TRAP1: variants seen among roughly 807,000 people sequenced by gnomAD.
TRAP1 encodes heat shock protein 75 kDa, mitochondrial.
TRAP1 carries 102 observed loss-of-function variants against 89.1 expected under a neutral mutation model. That is an observed-to-expected ratio of 1.15 (90% CI 0.98 to 1.35). The LOEUF (loss-of-function observed/expected upper bound fraction) is 1.35. Ranked by LOEUF, TRAP1 falls within the 40% of genes most tolerant of loss-of-function variation. The probability of loss-of-function intolerance (pLI) is 0.00; values close to 1 mark genes in which losing one functional copy is unlikely to be tolerated. For missense variants in TRAP1, 1,256 were observed against 945.3 expected (o/e 1.33, Z -4.31); for synonymous variants, 508 against 388.0 (o/e 1.31, Z -3.64).
chr16:3,683,464 C>G (rs1344185751), intron 4 of TRAP1, among the ~76,000 whole-genome samples: 1 of 151,146 alleles, frequency 6.6e-6, no homozygotes, highest in South Asian at 2.1e-4. Flanking sequence ...CAGCTCACCA[C>G]AACCTCCGCC....
At chr16:3,712,214 A>C (rs1438642145) in intron 1 of TRAP1, among the ~76,000 whole-genome samples, 1 of 139,704 alleles carries the variant, frequency 7.2e-6, no homozygotes, top group Non-Finnish European at 1.5e-5. Flanking sequence ...GCCTGAATTC[A>C]GGAGGCGGAA....
chr16:3,693,777 G>C (rs2051248654), intron 1 of TRAP1, among the ~76,000 whole-genome samples: 1 of 152,104 alleles, frequency 6.6e-6, no homozygotes, highest in Non-Finnish European at 1.5e-5. Flanking sequence ...AGAATCGCTT[G>C]AGCCCAGGGG....
intron 16 of TRAP1, 70 bp from the exon 17 acceptor site, chr16:3,658,935 G>C: frequency 2.0e-6 from 3 of 1,502,534 alleles, no homozygotes; most frequent in South Asian, 2.3e-5. Context: ...CATGTTTTGG[G>C]ATTATCAGGA....
intron 4 of TRAP1, among the ~76,000 whole-genome samples, chr16:3,684,487 T>C (rs113758783): frequency 1.6e-4 from 24 of 152,258 alleles, no homozygotes; most frequent in Middle Eastern, 3.4e-3. Context: ...CTATCAATAT[T>C]AGTTAATTAA....
chr16:3,671,667 A>G, intron 11 of TRAP1, 55 bp downstream of exon 11: 1 of 1,580,502 alleles, frequency 6.3e-7, no homozygotes, highest in Admixed American at 1.7e-5. Flanking sequence ...GGGGCAAAGG[A>G]GCAGGTAGGG....
At chr16:3,672,931 T>TC in intron 9 of TRAP1, 111 bp from the exon 10 acceptor site, 4 of 1,408,102 alleles carry the variant, frequency 2.8e-6, no homozygotes, top group Non-Finnish European at 3.7e-6. Context: ...CGCCTCGCCC[T>TC]CCCCCAGCGT....
chr16:3,661,993 T>A lies in TRAP1; in HGVS notation c.1934A>T (p.Asn645Ile), dbSNP rs758506078. 1.9e-6 allele frequency: 3 copies of A among 1,605,872 alleles called. No individual in the cohort carries two copies. Among genetic ancestry groups the A allele is most frequent in the African/African-American group, 1.3e-5 (1 of 74,786 alleles). The change falls in exon 16 of 18, where the codon AAC becomes ATC. Residue 645 changes from asparagine to isoleucine, a missense_variant. Physicochemically the swap from Asn to Ile is moderately radical, Grantham distance 149. Coordinates refer to ENST00000246957, the MANE Select transcript of TRAP1 (RefSeq NM_016292.3). The stretch of plus-strand genomic sequence containing the variant: ...GCCAGGAGCGTGGCCTCACCTGGGG[T>A]TGATCTCCAGCGTGGGCTGCAGGAG... ...AQLLQPTLEI[N>I]PRHALIKKLN...
At position 3,715,821 on chromosome 16, in the gene TRAP1, G is replaced by A. The variant is rs1413415200; in HGVS notation, c.88+1600C>T. ...TAAATAAATAATTGATCAGACACTG[G>A]TGCTAGAAGAGAGCAACAGCATCAC... On this transcript the variant is annotated intron_variant, in intron 1 of 17. Coordinates refer to ENST00000246957, the MANE Select transcript of TRAP1 (RefSeq NM_016292.3). 2.0e-5 allele frequency among the ~76,000 whole-genome samples: 3 copies of A among 152,190 alleles called. No individual in the cohort carries two copies. In the East Asian group the frequency reaches 5.8e-4, roughly 29 times the overall value.
chr16:3,705,585 T>G (rs1036343402), intron 1 of TRAP1, among the ~76,000 whole-genome samples: 1 of 152,222 alleles, frequency 6.6e-6, no homozygotes, highest in Non-Finnish European at 1.5e-5. Flanking sequence ...CATCCACATA[T>G]AGCATGTATC....
At chr16:3,672,483 C>G (rs758746) in intron 10 of TRAP1, among the ~76,000 whole-genome samples, 36 of 152,318 alleles carry the variant, frequency 2.4e-4, no homozygotes, top group Admixed American at 1.1e-3. Context: ...AGACCTCAAT[C>G]TGAACACCCC....
chr16:3,695,964 G>A (rs1279272094), intron 1 of TRAP1, among the ~76,000 whole-genome samples: 1 of 152,210 alleles, frequency 6.6e-6, no homozygotes, highest in Admixed American at 6.6e-5. Context: ...CCTTTGCCAT[G>A]TGTACAGACT....
At chr16:3,677,292 G>C (rs1346621423) in intron 6 of TRAP1, among the ~76,000 whole-genome samples, 12 of 152,256 alleles carry the variant, frequency 7.9e-5, no homozygotes, top group Non-Finnish European at 1.2e-4. Flanking sequence ...CGCAGTGGTG[G>C]TGACCAACCA....
chr16:3,687,161 A>T (rs111539356), intron 3 of TRAP1: 1 of 152,110 alleles, frequency 6.6e-6, no homozygotes. Context: ...TAAGTGAATC[A>T]TGGGGGCCGT....
chr16:3,672,762 C>G lies in TRAP1; in HGVS notation c.1103G>C (p.Arg368Pro). 1.2e-6 allele frequency: 2 copies of G among 1,611,238 alleles called. No homozygotes were observed. Among genetic ancestry groups the G allele is most frequent in the Non-Finnish European group, 1.7e-6 (2 of 1,178,812 alleles). ...ELGSSVALYS[R>P]KVLIQTKATD... is the part of the protein sequence containing the mutation. The stretch of plus-strand genomic sequence containing the variant: ...GGCCTTGGTCTGGATGAGGACTTTG[C>G]GGCTGTACAGTGCAACGCTGGAGCC... The change falls in exon 10 of 18, where the codon CGC becomes CCC. Residue 368 changes from arginine to proline, a missense_variant. Coordinates refer to ENST00000246957, the MANE Select transcript of TRAP1 (RefSeq NM_016292.3).
At chr16:3,679,880 A>G in intron 4 of TRAP1, 90 bp from the exon 5 acceptor site, 3 of 1,319,300 alleles carry the variant, frequency 2.3e-6, no homozygotes, top group Non-Finnish European at 3.2e-6. Flanking sequence ...AAGTGGTGTC[A>G]ATGACATTGG....
At position 3,672,721 on chromosome 16, in the gene TRAP1, T is replaced by TAA; in HGVS notation, c.1143_1144insTT (p.Lys382LeufsTer18). Reference sequence around the variant, plus strand: ...GTACCTCGGATGAAGCGCAGCCACTTGGGCAGGATGTCCGTGGCCTTGGTC... The same window carrying TAA: ...GTACCTCGGATGAAGCGCAGCCACTTAAGGGCAGGATGTCCGTGGCCTTGGTC... On this transcript the variant is annotated frameshift_variant, in exon 10 of 18. Coordinates refer to ENST00000246957, the MANE Select transcript of TRAP1 (RefSeq NM_016292.3). LOFTEE classifies it high-confidence loss of function. The TAA allele has an allele frequency of 6.2e-7, 1 of 1,610,092 alleles. No homozygotes were observed. The highest frequency in any genetic ancestry group is 1.3e-5 in the African/African-American group (1 of 74,980).
intron 4 of TRAP1, among the ~76,000 whole-genome samples, chr16:3,683,771 C>G (rs1195408046): frequency 6.7e-6 from 1 of 149,928 alleles, no homozygotes; most frequent in African/African-American, 2.5e-5. Flanking sequence ...AAATTGAAAT[C>G]TGTTCTAAAA....
At chr16:3,699,838 CTT>C (rs60766205) in intron 1 of TRAP1, among the ~76,000 whole-genome samples, 17 of 136,274 alleles carry the variant, frequency 1.2e-4, no homozygotes, top group African/African-American at 1.9e-4. Flanking sequence ...GGACTAAATT[CTT>C]TTTTTTTTTT....
At chr16:3,708,917 G>A (rs953454418) in intron 1 of TRAP1, among the ~76,000 whole-genome samples, 1 of 150,816 alleles carries the variant, frequency 6.6e-6, no homozygotes, top group African/African-American at 2.4e-5. Flanking sequence ...CTGGGTTCAC[G>A]GCATTCTCCT....
Sources: gnomAD v4.1 joint callset for allele counts (sites outside exome capture counted in the v4.1 genomes callset) on GRCh38, gnomAD v4.1.1 for gene constraint, MANE v1.5 for transcripts, NCBI Gene and HGNC (gene_info 2026-07-23, HGNC 2026-07-21) for gene names.